The following WDR1 variants were observed in gnomAD, a reference collection of about 807,000 sequenced individuals.
WDR1 encodes WD repeat domain 1.
A neutral mutation model predicts 71.9 loss-of-function variants in WDR1; 21 were observed. The ratio of observed to expected loss-of-function variants is 0.29; its 90% confidence interval spans 0.21 to 0.42. The LOEUF (loss-of-function observed/expected upper bound fraction) is 0.42, where lower values mean the gene tolerates loss of function less well. Among genes scored for constraint, WDR1 ranks in the 10% least tolerant of loss-of-function variants. The pLI is 1.00. For missense variants in WDR1, 696 were observed against 824.5 expected (o/e 0.84, Z 1.91); for synonymous variants, 424 against 347.4 (o/e 1.22, Z -2.45).
chr4:10,087,480 A>C (rs1399051311), intron 8 of WDR1, among the ~76,000 whole-genome samples: 2 of 152,236 alleles, frequency 1.3e-5, no homozygotes, highest in Non-Finnish European at 2.9e-5. Flanking sequence ...CAGTTCTCAC[A>C]GTAGCTCAAG....
chr4:10,097,755 C>T lies in WDR1; in HGVS notation c.514G>A (p.Ala172Thr), dbSNP rs865826546. The change falls in exon 5 of 15, where the codon GCA (alanine) becomes ACA (threonine). Residue 172 changes from alanine (A) to threonine (T), a missense_variant. Physicochemically the swap from Ala to Thr is moderately conservative, Grantham distance 58 (BLOSUM62 0). Transcript: ENST00000499869. ...TTGAATGGGGGTCCCTCAAAGAATG[C>T]CGCGCAGTTATCATCGCTTCCCGTG... ...LATGSDDNCA[A>T]FFEGPPFKFK... 2 of 1,613,070 alleles carry T rather than the reference C, an allele frequency of 1.2e-6. No homozygotes were observed. The highest frequency in any genetic ancestry group is 2.2e-5 in the East Asian group (1 of 44,852).
intron 2 of WDR1, among the ~76,000 whole-genome samples, chr4:10,109,830 A>G (rs1036459560): frequency 2.0e-5 from 3 of 152,210 alleles, no homozygotes; most frequent in Non-Finnish European, 4.4e-5. Flanking sequence ...TCACCTCTCA[A>G]AAGAGAGATG....
In WDR1 at chr4:10,087,715, C is replaced by G; in HGVS notation, c.943G>C (p.Val315Leu). 1 of 1,591,252 alleles carries G rather than the reference C, an allele frequency of 6.3e-7. No homozygotes were observed. Among genetic ancestry groups the G allele is most frequent in the Non-Finnish European group, 8.6e-7 (1 of 1,168,228 alleles). The change falls in exon 8 of 15, where the codon GTC becomes CTC. Residue 315 changes from valine (V) to leucine (L), a missense_variant. Physicochemically the swap from Val to Leu is conservative, Grantham distance 32. Transcript: ENST00000499869. Reference protein sequence around the residue: ...DRNNPSKPLHVIKGHSKSIQC... With the variant: ...DRNNPSKPLHLIKGHSKSIQC... Reference sequence around the variant, plus strand: ...CCCAGGGCAGGCCTTACCTTGATGACGTGCAGGGGCTTGCTGGGGTTGTTT... The same window carrying G: ...CCCAGGGCAGGCCTTACCTTGATGAGGTGCAGGGGCTTGCTGGGGTTGTTT...
chr4:10,102,482 T>G (rs1011369116), intron 3 of WDR1, among the ~76,000 whole-genome samples: 1 of 152,216 alleles, frequency 6.6e-6, no homozygotes, highest in Non-Finnish European at 1.5e-5. Flanking sequence ...CCAGCCCCTC[T>G]TCTTCTCTCA....
chr4:10,104,051 C>A, intron 2 of WDR1, 65 bp from the exon 3 acceptor site: 1 of 1,465,628 alleles, frequency 6.8e-7, no homozygotes, highest in Non-Finnish European at 9.4e-7. Flanking sequence ...CAGCTCTCCA[C>A]ATCAACAGAT....
intron 2 of WDR1, among the ~76,000 whole-genome samples, chr4:10,110,813 G>A (rs1713304494): frequency 6.6e-6 from 1 of 152,234 alleles, no homozygotes; most frequent in African/African-American, 2.4e-5. Context: ...CTTGTCGGAT[G>A]TTTGGCCACA....
At chr4:10,093,254 C>T in intron 5 of WDR1, 1 of 797,812 alleles carries the variant, frequency 1.3e-6, no homozygotes, top group Non-Finnish European at 1.8e-6. Flanking sequence ...GACCACAAGC[C>T]CACCCTTAGG....
intron 2 of WDR1, among the ~76,000 whole-genome samples, chr4:10,115,182 G>A (rs950598988): frequency 1.3e-5 from 2 of 152,182 alleles, no homozygotes; most frequent in East Asian, 1.9e-4. Context: ...CCCAATGGCC[G>A]GGCCGGCACC....
In WDR1 at chr4:10,088,723, T is replaced by C; in HGVS notation, c.577A>G (p.Asn193Asp). 2 of 1,604,800 alleles carry C rather than the reference T, an allele frequency of 1.2e-6. No homozygotes were observed. The highest frequency in any genetic ancestry group is 1.7e-6 in the Non-Finnish European group (2 of 1,175,704). ...FTIGDHSRFVNCVRFSPDGNR... is the reference protein window; with the variant it reads ...FTIGDHSRFVDCVRFSPDGNR... ...CCATCAGGAGAGAATCGCACACAGTTGACAAAGCGGCTGTGGTCCTGCAGG... is the reference window on the plus strand; with the variant it reads ...CCATCAGGAGAGAATCGCACACAGTCGACAAAGCGGCTGTGGTCCTGCAGG... Residue 193 changes from asparagine (N) to aspartate (D), a missense_variant, in exon 6 of 15, where the codon AAC becomes GAC. Transcript: ENST00000499869.
chr4:10,116,051 C>A, intron 2 of WDR1, 62 bp downstream of exon 2: 11 of 1,573,580 alleles, frequency 7.0e-6, no homozygotes, highest in African/African-American at 1.4e-5. Context: ...GAGAGGAAGG[C>A]GAATTATCCC....
At chr4:10,093,330 C>G (rs1232134695) in intron 5 of WDR1, among the ~76,000 whole-genome samples, 2 of 152,228 alleles carry the variant, frequency 1.3e-5, no homozygotes, top group Non-Finnish European at 2.9e-5. Flanking sequence ...CAGTCCCACC[C>G]CACACAAGCC....
In WDR1 at chr4:10,099,058, T is replaced by C. The variant is rs1467130644; in HGVS notation, c.311A>G (p.Lys104Arg). The part of the protein sequence containing the change: ...LKYEYQPFAG[K>R]IKDIAWTEDS... Reference sequence around the variant, plus strand: ...TTCAGTCCAAGCAATGTCTTTGATCTTCCCAGCGAAAGGCTGGTACTCATA... The same window carrying C: ...TTCAGTCCAAGCAATGTCTTTGATCCTCCCAGCGAAAGGCTGGTACTCATA... Residue 104 changes from lysine (K) to arginine (R), a missense_variant, in exon 4 of 15, where the codon AAG becomes AGG. Coordinates refer to ENST00000499869, the MANE Select transcript of WDR1 (RefSeq NM_017491.5). 6 of 1,613,900 alleles carry C rather than the reference T, an allele frequency of 3.7e-6. No homozygotes were observed. The highest frequency in any genetic ancestry group is 4.2e-6 in the Non-Finnish European group (5 of 1,179,894).
rs144457072 is a variant in WDR1 at position 10,111,806 on chromosome 4, C to G, written c.138+4307G>C. Among the ~76,000 whole-genome samples, 894 of 144,620 alleles carry G rather than the reference C, an allele frequency of 6.2e-3. 4 individuals carry two copies. The highest frequency in any genetic ancestry group is 8.5e-3 in the Non-Finnish European group (559 of 65,814). The allele number at this position is 144,620 out of a possible 152,430, so 94.9% of individuals were successfully genotyped here. ...GAGCCCAATACCCTCCCCAACCCCC[C>G]ACTTGGTCTGCCCCCTGTTCAAGGA... is the stretch of plus-strand genomic sequence containing the variant. On this transcript the variant is annotated intron_variant, in intron 2 of 14. Coordinates refer to ENST00000499869, the MANE Select transcript of WDR1 (RefSeq NM_017491.5).
intron 3 of WDR1, among the ~76,000 whole-genome samples, chr4:10,100,318 T>C (rs1712611301): frequency 1.3e-5 from 2 of 152,184 alleles, no homozygotes; most frequent in South Asian, 2.1e-4. Context: ...ACATGGCTTG[T>C]GTCCTTATCC....
intron 5 of WDR1, among the ~76,000 whole-genome samples, chr4:10,093,743 G>C (rs780632130): frequency 6.6e-6 from 1 of 152,210 alleles, no homozygotes; most frequent in Non-Finnish European, 1.5e-5. Context: ...AAGGCCAGTC[G>C]ACAGGAGGGG....
intron 3 of WDR1, among the ~76,000 whole-genome samples, chr4:10,100,995 T>C (rs1168224499): frequency 6.6e-6 from 1 of 152,168 alleles, no homozygotes; most frequent in Non-Finnish European, 1.5e-5. Context: ...GCAGAGGGCG[T>C]CCCACCCTGA....
At chr4:10,107,836 T>G (rs1713111799) in intron 2 of WDR1, among the ~76,000 whole-genome samples, 1 of 152,116 alleles carries the variant, frequency 6.6e-6, no homozygotes, top group Admixed American at 6.5e-5. Flanking sequence ...AGTGACAGCA[T>G]GTAACAGCAC....
At chr4:10,089,218 C>A (rs565279493) in intron 5 of WDR1, among the ~76,000 whole-genome samples, 55 of 152,358 alleles carry the variant, frequency 3.6e-4, no homozygotes, top group African/African-American at 1.2e-3. Context: ...ACGCCATTCT[C>A]CTGCCTCAGC....
rs761174122 is a variant in WDR1 at position 10,104,018 on chromosome 4, G to GAATGGAGAAGC, written c.139-43_139-33dup. ...GAGGAGACCCCGGAATGAACAGAAG[G>GAATGGAGAAGC]AATGGAGAAGCAGTCAAGCTTCCAG... On this transcript the variant is annotated intron_variant, in intron 2 of 14. Coordinates refer to ENST00000499869, the MANE Select transcript of WDR1 (RefSeq NM_017491.5). The GAATGGAGAAGC allele has an allele frequency of 1.4e-4, 212 of 1,565,924 alleles. 1 individual carries two copies. The highest frequency in any genetic ancestry group is 1.8e-4 in the Non-Finnish European group (208 of 1,153,904).
Sources: allele counts gnomAD v4.1 joint callset (sites outside exome capture counted in the v4.1 genomes callset), GRCh38; gene constraint gnomAD v4.1.1; transcripts MANE v1.5; gene names NCBI Gene and HGNC (gene_info 2026-07-23, HGNC 2026-07-21).